STAG2: variants seen among roughly 807,000 people sequenced by gnomAD.
STAG2 encodes the protein STAG2 cohesin complex component.
In STAG2, 14 loss-of-function variants were observed where a neutral mutation model predicts 108.1. The ratio of observed to expected loss-of-function variants is 0.13; its 90% confidence interval spans 0.09 to 0.20. The LOEUF (loss-of-function observed/expected upper bound fraction) is 0.20. Ranked by LOEUF, STAG2 falls within the 10% of genes least tolerant of loss-of-function variation. The pLI is 1.00. For missense variants in STAG2, 440 were observed against 940.9 expected (o/e 0.47, Z 6.96); for synonymous variants, 307 against 302.7 (o/e 1.01, Z -0.15).
Position 124,101,740 on chromosome X carries a change from G to C in STAG2, c.*1143G>C. The stretch of plus-strand genomic sequence containing the variant: ...TAACAGGTTACAGTACATTTCCTCT[G>C]TATGTAAATTAGATGGGATAATAGA... On this transcript the variant is annotated 3_prime_UTR_variant, in exon 35 of 35. Transcript: ENST00000371145. 1.2e-5 allele frequency: 2 copies of C among 162,928 alleles called. No individual in the cohort carries two copies. The highest frequency in any genetic ancestry group is 2.4e-5 in the Non-Finnish European group (2 of 83,550). The allele number at this position is 162,928 out of a possible 1,213,427, so 13.4% of individuals were successfully genotyped here.
chrX:123,976,215 A>G (rs2054606844), intron 1 of STAG2, among the ~76,000 whole-genome samples: 1 of 112,059 alleles, frequency 8.9e-6, no homozygotes, highest in Non-Finnish European at 1.9e-5. Context: ...TTGAGGCTGC[A>G]GTGAGCCAAG....
At chrX:124,051,780 C>T (rs937580836) in intron 13 of STAG2, among the ~76,000 whole-genome samples, 5 of 110,371 alleles carry the variant, frequency 4.5e-5, no homozygotes, top group Admixed American at 2.9e-4. Context: ...TTAGTAGAGA[C>T]GGGGTTTCAC....
At chrX:124,078,136 G>T in intron 27 of STAG2, 78 bp downstream of exon 27, 3 of 693,917 alleles carry the variant, frequency 4.3e-6, no homozygotes, top group Non-Finnish European at 6.6e-6. Flanking sequence ...AGTTGAAATT[G>T]GGCAAAGTGT....
At chrX:124,037,437 T>A (rs1602976990) in intron 5 of STAG2, 90 bp from the exon 6 acceptor site, 2 of 452,397 alleles carry the variant, frequency 4.4e-6, no homozygotes, top group Non-Finnish European at 3.5e-6. Flanking sequence ...TGATACTATA[T>A]AATCTTGAAT....
Position 124,086,655 on chromosome X carries a change from T to A in STAG2, c.3162T>A (p.Asp1054Glu). The A allele has an allele frequency of 8.3e-7, 1 of 1,210,028 alleles. No homozygotes were observed. The highest frequency in any genetic ancestry group is 1.1e-6 in the Non-Finnish European group (1 of 893,721). The change falls in exon 30 of 35, where the codon GAT (aspartate) becomes GAA (glutamate). Residue 1054 changes from aspartate (D) to glutamate (E), a missense_variant. Transcript: ENST00000371145. The stretch of plus-strand genomic sequence containing the variant: ...ATTCTTTGCTAGCTGGTGGTGATGA[T>A]GACACCATGTCAGTCATTAGTGGAA... Reference protein sequence around the residue: ...YRNSLLAGGDDDTMSVISGIS... With the variant: ...YRNSLLAGGDEDTMSVISGIS...
At chrX:123,961,304 C>A (rs1235957978), upstream of STAG2, 1 of 109,045 alleles carries the variant, frequency 9.2e-6, no homozygotes. Context: ...CGGAGACCCC[C>A]CCCCCCCATG....
chrX:124,095,888 AG>A (rs2059364001), intron 34 of STAG2, among the ~76,000 whole-genome samples: 1 of 110,278 alleles, frequency 9.1e-6, no homozygotes, highest in Non-Finnish European at 1.9e-5. Flanking sequence ...AATGAAGAGA[AG>A]GGTATCTAGC....
At chrX:124,081,272 G>A (rs924569585) in intron 27 of STAG2, 108 bp from the exon 28 acceptor site, 3 of 500,153 alleles carry the variant, frequency 6.0e-6, no homozygotes, top group Admixed American at 4.8e-5. Flanking sequence ...ATAAAATACA[G>A]TGCCTCATTT....
intron 14 of STAG2, among the ~76,000 whole-genome samples, 161 bp downstream of exon 14, chrX:124,056,396 A>G (rs2058196370): frequency 9.0e-6 from 1 of 111,199 alleles, no homozygotes; most frequent in Non-Finnish European, 1.9e-5. Flanking sequence ...TTAAAAGTTT[A>G]GATTTCTCCT....
chrX:124,037,581 C>T lies in STAG2; in HGVS notation c.343C>T (p.Leu115Phe). The change falls in exon 6 of 35, where the codon CTT becomes TTT. Residue 115 changes from leucine to phenylalanine, a missense_variant. Physicochemically the swap from Leu to Phe is conservative, Grantham distance 22. Transcript: ENST00000371145. ...CAAGCATGACCGAGATATAGCACTT[C>T]TTGACCTTATCAACTTTTTTATTCA... ...SYKHDRDIAL[L>F]DLINFFIQCS... is the part of the protein sequence containing the mutation. 8.4e-7 allele frequency: 1 copy of T among 1,189,817 alleles called. No individual in the cohort carries two copies. Among genetic ancestry groups the T allele is most frequent in the Non-Finnish European group, 1.1e-6 (1 of 882,019 alleles).
chrX:123,972,845 TC>T (rs1227736089), intron 1 of STAG2, among the ~76,000 whole-genome samples: 1 of 41,673 alleles, frequency 2.4e-5, no homozygotes, highest in African/African-American at 1.1e-4. Flanking sequence ...ATGGTGAAAC[TC>T]CCCCCCTCTA....
chrX:124,039,235 G>A (rs901930133), intron 6 of STAG2, among the ~76,000 whole-genome samples: 7 of 107,392 alleles, frequency 6.5e-5, no homozygotes, highest in Non-Finnish European at 9.6e-5. Context: ...GGCTCACTGC[G>A]GCCTTGACCT....
chrX:124,041,644 T>C (rs1569510791), intron 6 of STAG2, among the ~76,000 whole-genome samples: 1 of 111,148 alleles, frequency 9.0e-6, no homozygotes, highest in Non-Finnish European at 1.9e-5. Context: ...AGTATTTACG[T>C]TGATTACCCC....
intron 1 of STAG2, among the ~76,000 whole-genome samples, chrX:123,987,676 G>C (rs1242498425): frequency 1.8e-5 from 2 of 112,333 alleles, no homozygotes; most frequent in African/African-American, 3.2e-5. Flanking sequence ...AAAAATTGTA[G>C]AGATGCATCT....
intron 34 of STAG2, among the ~76,000 whole-genome samples, chrX:124,097,179 CAAAAAAAAAAAAAA>C (rs56942682): frequency 5.2e-5 from 2 of 38,206 alleles, no homozygotes; most frequent in African/African-American, 1.2e-4. Context: ...GACCCTGTCT[CAAAAAAAAAAAAAA>C]AAAAAAAAAA....
chrX:123,986,567 CTG>C (rs905517683), intron 1 of STAG2, among the ~76,000 whole-genome samples: 69 of 111,779 alleles, frequency 6.2e-4, no homozygotes, highest in Middle Eastern at 9.2e-3. Context: ...CCTTTATTGA[CTG>C]TGTGACCCTG....
intron 15 of STAG2, among the ~76,000 whole-genome samples, chrX:124,058,937 T>C (rs1279825171): frequency 8.9e-6 from 1 of 112,456 alleles, no homozygotes; most frequent in East Asian, 2.8e-4. Context: ...TCAGGTCATT[T>C]GTAAATAAAG....
At chrX:124,006,595 C>A (rs1051522869) in intron 1 of STAG2, among the ~76,000 whole-genome samples, 1 of 109,735 alleles carries the variant, frequency 9.1e-6, no homozygotes, top group Non-Finnish European at 1.9e-5. Context: ...CCCACCACCA[C>A]GCCCGGCTAA....
intron 27 of STAG2, among the ~76,000 whole-genome samples, 166 bp from the exon 28 acceptor site, chrX:124,081,214 C>T (rs977743127): frequency 2.7e-5 from 3 of 111,875 alleles, no homozygotes; most frequent in African/African-American, 9.8e-5. Context: ...TTTAAATATA[C>T]GAAGTACTGC....
Sources: gnomAD v4.1 joint callset for allele counts (sites outside exome capture counted in the v4.1 genomes callset) on GRCh38, gnomAD v4.1.1 for gene constraint, MANE v1.5 for transcripts, NCBI Gene and HGNC (gene_info 2026-07-23, HGNC 2026-07-21) for gene names.